ACADL: variants seen among roughly 807,000 people sequenced by gnomAD.
ACADL encodes the protein acyl-CoA dehydrogenase long chain.
Under a neutral mutation model 56.9 loss-of-function variants are expected in ACADL, and 60 were observed. The ratio of observed to expected loss-of-function variants is 1.05; its 90% CI spans 0.86 to 1.31. ACADL has a LOEUF of 1.31. ACADL is among the 50% of genes most tolerant of loss of function. The pLI is 0.00. For missense variants in ACADL, 484 were observed against 525.5 expected (o/e 0.92, Z 0.77); for synonymous variants, 158 against 179.7 (o/e 0.88, Z 0.97).
At chr2:210,217,312 A>C (rs984183889) in intron 3 of ACADL, among the ~76,000 whole-genome samples, 1 of 152,104 alleles carries the variant, frequency 6.6e-6, no homozygotes, top group African/African-American at 2.4e-5. Context: ...GCAGGAACAT[A>C]TTTTTTAAAA....
intron 4 of ACADL, among the ~76,000 whole-genome samples, chr2:210,212,562 G>C (rs940749823): frequency 1.2e-4 from 18 of 152,300 alleles, no homozygotes; most frequent in African/African-American, 4.1e-4. Flanking sequence ...AGAACTGTAA[G>C]AGAATAAATT....
chr2:210,217,791 T>A (rs1689111411), intron 3 of ACADL, 174 bp downstream of exon 3: 2 of 748,830 alleles, frequency 2.7e-6, no homozygotes, highest in African/African-American at 1.8e-5. Flanking sequence ...TTATCCCACA[T>A]TCAAAAAATG....
chr2:210,202,425 A>G (rs1235861927), intron 8 of ACADL, among the ~76,000 whole-genome samples: 1 of 152,116 alleles, frequency 6.6e-6, no homozygotes, highest in African/African-American at 2.4e-5. Context: ...TCTTCTATAA[A>G]GAACTTTTGT....
intron 4 of ACADL, among the ~76,000 whole-genome samples, chr2:210,210,665 G>T (rs1332959622): frequency 6.6e-6 from 1 of 152,106 alleles, no homozygotes; most frequent in Non-Finnish European, 1.5e-5. Flanking sequence ...TAGCTATTAG[G>T]CAGGGCATGG....
At chr2:210,209,573 T>C (rs1004059915) in intron 5 of ACADL, 3 of 152,002 alleles carry the variant, frequency 2.0e-5, no homozygotes, top group Non-Finnish European at 4.4e-5. Flanking sequence ...GGTCTTACTC[T>C]GTCTCAACCT....
intron 2 of ACADL, chr2:210,218,458 A>T (rs191204912): frequency 8.0e-4 from 190 of 238,670 alleles, no homozygotes; most frequent in Middle Eastern, 6.8e-3. Context: ...TTAAAAAAAA[A>T]TTTTTTTTTG....
intron 2 of ACADL, 41 bp downstream of exon 2, chr2:210,220,606 C>A (rs763259359): frequency 3.2e-6 from 5 of 1,584,256 alleles, no homozygotes; most frequent in Non-Finnish European, 4.3e-6. Flanking sequence ...TCCTATAATA[C>A]CCCTAGTATA....
rs946318641 is a variant in ACADL at position 210,188,093 on chromosome 2, A to G, written c.*868T>C. On this transcript the variant is annotated 3_prime_UTR_variant, in exon 11 of 11. Coordinates refer to ENST00000233710, the MANE Select transcript of ACADL (RefSeq NM_001608.4). ...ACCTTATTTTACTACTTATTTGTTTATTCACTTATTTTTTAGTGATCTTGC... is the reference window on the plus strand; with the variant it reads ...ACCTTATTTTACTACTTATTTGTTTGTTCACTTATTTTTTAGTGATCTTGC... 6.6e-6 allele frequency: 1 copy of G among 152,024 alleles called. No homozygotes were observed. The highest frequency in any genetic ancestry group is 1.5e-5 in the Non-Finnish European group (1 of 67,984). The allele number at this position is 152,024 out of a possible 1,614,324, so 9.4% of individuals were successfully genotyped here.
At chr2:210,224,329 C>T (rs1449661646) in intron 1 of ACADL, 3 of 927,262 alleles carry the variant, frequency 3.2e-6, no homozygotes, top group Non-Finnish European at 3.9e-6. Flanking sequence ...TCAGTGACGT[C>T]TTCCCAAATC....
At chr2:210,191,237 G>A (rs544105466) in intron 10 of ACADL, among the ~76,000 whole-genome samples, 2 of 152,038 alleles carry the variant, frequency 1.3e-5, no homozygotes, top group Non-Finnish European at 2.9e-5. Flanking sequence ...GATATTAGGC[G>A]ATATATGGGA....
chr2:210,198,865 G>A (rs924497935), intron 8 of ACADL, among the ~76,000 whole-genome samples: 3 of 151,806 alleles, frequency 2.0e-5, no homozygotes, highest in African/African-American at 4.8e-5. Context: ...TGTCTATTCC[G>A]CAAAAAACCA....
At chr2:210,210,462 A>T (rs1315368620) in intron 4 of ACADL, among the ~76,000 whole-genome samples, 200 bp from the exon 5 acceptor site, 1 of 152,224 alleles carries the variant, frequency 6.6e-6, no homozygotes, top group East Asian at 1.9e-4. Context: ...AAATAAATAT[A>T]TGATTAAGAT....
chr2:210,195,287 C>A lies in ACADL; in HGVS notation c.1036G>T (p.Ala346Ser). The change falls in exon 9 of 11, where the codon GCA becomes TCA. Residue 346 changes from alanine (A) to serine (S), a missense_variant. Ala to Ser is a moderately conservative substitution (Grantham distance 99, BLOSUM62 1). Transcript: ENST00000233710. ...AGCTGGAGACAGTTGTCCACAAATGCTCGGGTTACACATATATGTGTTTTT... is the reference window on the plus strand; with the variant it reads ...AGCTGGAGACAGTTGTCCACAAATGATCGGGTTACACATATATGTGTTTTT... ...ELKTHICVTR[A>S]FVDNCLQLHE... 6.2e-7 allele frequency: 1 copy of A among 1,613,792 alleles called. No homozygotes were observed. Among genetic ancestry groups the A allele is most frequent in the East Asian group, 2.2e-5 (1 of 44,868 alleles).
chr2:210,200,746 G>A (rs976977393), intron 8 of ACADL, among the ~76,000 whole-genome samples: 2 of 151,954 alleles, frequency 1.3e-5, no homozygotes, highest in African/African-American at 2.4e-5. Flanking sequence ...TGACAATACC[G>A]GTAGCAAACA....
At chr2:210,201,747 G>A (rs1688796442) in intron 8 of ACADL, among the ~76,000 whole-genome samples, 1 of 151,858 alleles carries the variant, frequency 6.6e-6, no homozygotes, top group South Asian at 2.1e-4. Flanking sequence ...ACCACATGAA[G>A]GAATTATAAA....
intron 10 of ACADL, among the ~76,000 whole-genome samples, chr2:210,190,317 C>T (rs1232051014): frequency 6.6e-6 from 1 of 152,136 alleles, no homozygotes; most frequent in Non-Finnish European, 1.5e-5. Context: ...TTGCTATTCT[C>T]TACAAAATCT....
At chr2:210,224,992 T>C in intron 1 of ACADL, 195 bp downstream of exon 1, 2 of 1,401,434 alleles carry the variant, frequency 1.4e-6, no homozygotes, top group Non-Finnish European at 1.8e-6. Flanking sequence ...CACCCCTTTT[T>C]CCTCCGCCCA....
rs369072991 is a variant in ACADL at position 210,219,083 on chromosome 2, T to A, written c.234-981A>T. Among the ~76,000 whole-genome samples the A allele has an allele frequency of 1.6e-4, 25 of 152,346 alleles. No homozygotes were observed. The South Asian group carries it at 5.2e-3, about 32-fold the overall frequency. On this transcript the variant is annotated intron_variant, in intron 2 of 10. Transcript: ENST00000233710. ...ATGGGGTATTTGAAGATACTGACAC[T>A]ACAAAAATTTTTAAGACTTGGATTA...
At chr2:210,198,124 TTAA>T (rs1575672724) in intron 8 of ACADL, among the ~76,000 whole-genome samples, 1 of 152,184 alleles carries the variant, frequency 6.6e-6, no homozygotes, top group Non-Finnish European at 1.5e-5. Context: ...TTTATATTTG[TTAA>T]TAAATAATAC....
Sources: allele counts gnomAD v4.1 joint callset (sites outside exome capture counted in the v4.1 genomes callset), GRCh38; gene constraint gnomAD v4.1.1; transcripts MANE v1.5; gene names NCBI Gene and HGNC (gene_info 2026-07-23, HGNC 2026-07-21).